Variants in GABRB3 observed in about 807,000 individuals in gnomAD.
GABRB3 encodes gamma-aminobutyric acid type A receptor subunit beta3.
In GABRB3, 14 loss-of-function variants were observed where a neutral mutation model predicts 52.1. That is an observed-to-expected ratio of 0.27 (90% CI 0.18 to 0.42). GABRB3 has a LOEUF of 0.42. GABRB3 is among the 10% of genes least tolerant of loss of function. The probability of loss-of-function intolerance (pLI) is 1.00; values close to 1 mark genes in which losing one functional copy is unlikely to be tolerated. For missense variants in GABRB3, 307 were observed against 609.1 expected (o/e 0.50, Z 5.22); for synonymous variants, 260 against 232.3 (o/e 1.12, Z -1.08).
intron 4 of GABRB3, among the ~76,000 whole-genome samples, chr15:26,601,429 A>C (rs1447527320): frequency 2.0e-5 from 3 of 152,208 alleles, no homozygotes; most frequent in East Asian, 3.9e-4. Context: ...AAAAAAATTG[A>C]AAGGATTCAA....
intron 6 of GABRB3, among the ~76,000 whole-genome samples, chr15:26,579,712 T>C (rs980006764): frequency 6.6e-6 from 1 of 152,206 alleles, no homozygotes; most frequent in Non-Finnish European, 1.5e-5. Context: ...TTTAGTAATT[T>C]AGTAAAAACC....
chr15:26,709,324 T>C (rs1889208903), intron 3 of GABRB3, among the ~76,000 whole-genome samples: 1 of 151,442 alleles, frequency 6.6e-6, no homozygotes, highest in Admixed American at 6.6e-5. Flanking sequence ...CACAGGAGAG[T>C]TGTTAAAAGG....
At chr15:26,598,381 A>G (rs1891470396) in intron 4 of GABRB3, among the ~76,000 whole-genome samples, 1 of 152,186 alleles carries the variant, frequency 6.6e-6, no homozygotes, top group Non-Finnish European at 1.5e-5. Context: ...TGATGTCACC[A>G]AGTGGTGGAA....
intron 8 of GABRB3, among the ~76,000 whole-genome samples, chr15:26,557,401 C>A (rs2140670550): frequency 6.6e-6 from 1 of 152,184 alleles, no homozygotes; most frequent in African/African-American, 2.4e-5. Context: ...TATAACAAAC[C>A]TGCACATGTA....
At chr15:26,561,630 G>T (rs1889991874) in intron 7 of GABRB3, among the ~76,000 whole-genome samples, 1 of 152,258 alleles carries the variant, frequency 6.6e-6, no homozygotes, top group African/African-American at 2.4e-5. Context: ...GGCTGCAGAG[G>T]CAAGGCTATG....
At chr15:26,684,488 C>T (rs996811364) in intron 3 of GABRB3, among the ~76,000 whole-genome samples, 2 of 152,206 alleles carry the variant, frequency 1.3e-5, no homozygotes, top group African/African-American at 4.8e-5. Flanking sequence ...TTTGCACTCA[C>T]AACTTGGCTG....
At chr15:26,566,813 G>A in intron 7 of GABRB3, among the ~76,000 whole-genome samples, 1 of 152,112 alleles carries the variant, frequency 6.6e-6, no homozygotes, top group South Asian at 2.1e-4. Context: ...CAGATAATGT[G>A]TTGATAATTC....
chr15:26,751,058 T>C (rs1259047826), intron 3 of GABRB3, among the ~76,000 whole-genome samples: 1 of 152,198 alleles, frequency 6.6e-6, no homozygotes, highest in Non-Finnish European at 1.5e-5. Context: ...AATCTCTAGA[T>C]TTTTATAATC....
At chr15:26,690,780 T>C (rs1332898297) in intron 3 of GABRB3, among the ~76,000 whole-genome samples, 1 of 151,562 alleles carries the variant, frequency 6.6e-6, no homozygotes, top group Non-Finnish European at 1.5e-5. Flanking sequence ...CTCCAAATCA[T>C]GCCATGTTTA....
chr15:26,620,871 G>A (rs779701655), intron 4 of GABRB3, among the ~76,000 whole-genome samples: 1 of 152,184 alleles, frequency 6.6e-6, no homozygotes, highest in East Asian at 1.9e-4. Context: ...ATAAATATTC[G>A]TGGCACTACC....
At chr15:26,645,212 G>A (rs571301106) in intron 3 of GABRB3, among the ~76,000 whole-genome samples, 33 of 152,276 alleles carry the variant, frequency 2.2e-4, no homozygotes, top group Admixed American at 1.6e-3. Context: ...ACGCACTACA[G>A]CCTGGGCGAC....
chr15:26,554,178 ATATATATATATAC>A (rs1567097695), intron 8 of GABRB3, among the ~76,000 whole-genome samples: 626 of 25,684 alleles, frequency 0.024, 41 homozygotes, highest in African/African-American at 0.095. Flanking sequence ...TATATAAAGT[ATATATATATATAC>A]TATATATATA....
chr15:26,746,582 GTT>G (rs34645426), intron 3 of GABRB3, among the ~76,000 whole-genome samples: 20 of 126,000 alleles, frequency 1.6e-4, no homozygotes, highest in Non-Finnish European at 2.5e-4. Context: ...TCCGTTTTTT[GTT>G]TTTTTTTTTT....
chr15:26,732,755 C>T (rs1885631984), intron 3 of GABRB3, among the ~76,000 whole-genome samples: 1 of 152,048 alleles, frequency 6.6e-6, no homozygotes, highest in Admixed American at 6.5e-5. Flanking sequence ...CTTTGGGAGG[C>T]CGAGGCAGGT....
At chr15:26,629,784 G>A (rs1212224569) in intron 3 of GABRB3, among the ~76,000 whole-genome samples, 1 of 152,158 alleles carries the variant, frequency 6.6e-6, no homozygotes, top group Non-Finnish European at 1.5e-5. Context: ...GAGATTTATA[G>A]CCATTCAAGC....
In GABRB3 at chr15:26,642,915, A is replaced by G. The variant is rs77672325; in HGVS notation, c.241-21381T>C. 2.5e-4 allele frequency among the ~76,000 whole-genome samples: 38 copies of G among 152,150 alleles called. No homozygotes were observed. The East Asian group carries it at 7.4e-3, about 30-fold the overall frequency. ...CCACAGCTTGGGGGTTGATTTCGCT[A>G]CTACACCGGTATTGCCAGTCTGTCT... On this transcript the variant is annotated intron_variant, in intron 3 of 8. Transcript: ENST00000311550.
At chr15:26,578,537 T>C (rs1890675169) in intron 6 of GABRB3, among the ~76,000 whole-genome samples, 1 of 152,208 alleles carries the variant, frequency 6.6e-6, no homozygotes, top group Non-Finnish European at 1.5e-5. Context: ...GGAAGGTGGT[T>C]CTAAGTGCTT....
At chr15:26,614,115 T>C (rs1459165579) in intron 4 of GABRB3, 1 of 152,172 alleles carries the variant, frequency 6.6e-6, no homozygotes, top group Middle Eastern at 3.2e-3. Context: ...AAGGTGAAGC[T>C]CATTTTGGAA....
chr15:26,696,025 G>A (rs545635039), intron 3 of GABRB3, among the ~76,000 whole-genome samples: 5 of 152,184 alleles, frequency 3.3e-5, no homozygotes, highest in African/African-American at 9.7e-5. Context: ...GAAACAATAC[G>A]AAGCAAAACC....
Sources: allele counts gnomAD v4.1 joint callset (sites outside exome capture counted in the v4.1 genomes callset), GRCh38; gene constraint gnomAD v4.1.1; transcripts MANE v1.5; gene names NCBI Gene and HGNC (gene_info 2026-07-23, HGNC 2026-07-21).